SMYD3: variants seen among roughly 807,000 people sequenced by gnomAD.
The protein encoded by SMYD3 is histone-lysine N-methyltransferase SMYD3.
SMYD3 carries 36 observed loss-of-function variants against 57.7 expected under a neutral mutation model. That is an observed-to-expected ratio of 0.62 (90% confidence interval 0.48 to 0.82). SMYD3 has a LOEUF of 0.82. Ranked by LOEUF, SMYD3 falls within the 40% of genes least tolerant of loss-of-function variation. The pLI is 0.00. For synonymous variants in SMYD3, 211 were observed against 195.0 expected (o/e 1.08, Z -0.68); for missense variants, 515 against 538.8 (o/e 0.96, Z 0.44).
At chr1:245,921,547 G>GTACATATATA (rs1491323831) in intron 7 of SMYD3, among the ~76,000 whole-genome samples, 4 of 35,088 alleles carry the variant, frequency 1.1e-4, no homozygotes, top group African/African-American at 2.6e-4. Context: ...AAAAAATGTG[G>GTACATATATA]TGTATATATA....
intron 1 of SMYD3, among the ~76,000 whole-genome samples, chr1:246,479,065 G>A (rs2068068391): frequency 6.6e-6 from 1 of 150,906 alleles, no homozygotes. Flanking sequence ...ATGCACACCT[G>A]TCCTCTGTCC....
intron 5 of SMYD3, among the ~76,000 whole-genome samples, chr1:245,986,948 T>C (rs1469680613): frequency 1.3e-5 from 2 of 152,242 alleles, no homozygotes; most frequent in African/African-American, 2.4e-5. Flanking sequence ...TTGCATTTTA[T>C]GTAAATGTCA....
intron 5 of SMYD3, among the ~76,000 whole-genome samples, chr1:246,280,384 G>T (rs887012717): frequency 4.6e-5 from 7 of 152,166 alleles, no homozygotes; most frequent in African/African-American, 1.7e-4. Flanking sequence ...AATCGGTTTG[G>T]CTGAAAGTCC....
chr1:246,378,912 T>C (rs1014824604), intron 1 of SMYD3, among the ~76,000 whole-genome samples: 25 of 137,734 alleles, frequency 1.8e-4, no homozygotes, highest in African/African-American at 6.7e-4. Flanking sequence ...TATAGCTCAT[T>C]TATAACAATC....
At chr1:246,145,426 T>C (rs924297582) in intron 5 of SMYD3, among the ~76,000 whole-genome samples, 1 of 152,244 alleles carries the variant, frequency 6.6e-6, no homozygotes. Context: ...TAGATAATTT[T>C]GTGCAAGTGC....
chr1:246,335,615 T>A, intron 2 of SMYD3, 141 bp from the exon 3 acceptor site: 1 of 667,444 alleles, frequency 1.5e-6, no homozygotes, highest in Admixed American at 2.9e-5. Context: ...AGCAATATTC[T>A]AAATCTGAAA....
rs59746333 is a variant in SMYD3 at position 245,921,572 on chromosome 1, C to CAT, written c.703-5933_703-5932insAT. Among the ~76,000 whole-genome samples, 16 of 139,992 alleles carry CAT rather than the reference C, an allele frequency of 1.1e-4. No individual in the cohort carries two copies. The East Asian group carries it at 1.3e-3, about 11-fold the overall frequency. The allele number at this position is 139,992 out of a possible 152,430, so 91.8% of individuals were successfully genotyped here. ...GTGTATATATATATATATATATATA[C>CAT]ACATACCATGGAATAGTATGCAGCC... On this transcript the variant is annotated intron_variant, in intron 7 of 11. Coordinates refer to ENST00000490107, the MANE Select transcript of SMYD3 (RefSeq NM_001167740.2).
intron 5 of SMYD3, among the ~76,000 whole-genome samples, chr1:246,273,134 T>C (rs1325385712): frequency 8.0e-6 from 1 of 125,066 alleles, no homozygotes; most frequent in Non-Finnish European, 1.6e-5. Flanking sequence ...GTCCCTGTTT[T>C]CTTTTTTTTT....
chr1:245,829,539 G>A (rs1194227633), intron 10 of SMYD3, among the ~76,000 whole-genome samples: 1 of 152,146 alleles, frequency 6.6e-6, no homozygotes, highest in Non-Finnish European at 1.5e-5. Context: ...TATATTACTG[G>A]TGGGAATGTA....
At chr1:246,396,154 C>G (rs1359223195) in intron 1 of SMYD3, among the ~76,000 whole-genome samples, 1 of 152,160 alleles carries the variant, frequency 6.6e-6, no homozygotes, top group Non-Finnish European at 1.5e-5. Flanking sequence ...TAGAAAAATA[C>G]TATTTACTTT....
At chr1:246,160,490 G>A (rs551543727) in intron 5 of SMYD3, among the ~76,000 whole-genome samples, 3 of 152,140 alleles carry the variant, frequency 2.0e-5, no homozygotes, top group South Asian at 2.1e-4. Flanking sequence ...CCAGTTCCTC[G>A]GTGCTGAAAC....
At chr1:246,411,526 A>G (rs1203711190) in intron 1 of SMYD3, among the ~76,000 whole-genome samples, 2 of 152,190 alleles carry the variant, frequency 1.3e-5, no homozygotes, top group Non-Finnish European at 2.9e-5. Context: ...ACACGCACAC[A>G]TATGTTTATT....
intron 5 of SMYD3, among the ~76,000 whole-genome samples, chr1:246,232,713 CT>C (rs750240907): frequency 0.023 from 3,044 of 130,434 alleles, 333 homozygotes; most frequent in East Asian, 0.17. Flanking sequence ...AGAAGCACTC[CT>C]TCAATTCACA....
chr1:245,874,856 C>T (rs2052404626), intron 8 of SMYD3, among the ~76,000 whole-genome samples: 1 of 152,218 alleles, frequency 6.6e-6, no homozygotes, highest in Non-Finnish European at 1.5e-5. Flanking sequence ...TGGGTCACCC[C>T]AGAGGGCAGT....
Position 246,125,812 on chromosome 1 carries a change from C to G in SMYD3, c.532-195875G>C, listed in dbSNP as rs377104901. ...TATGGCTATGAACCTTAGATAACGA[C>G]AGAGAGGAAAACAGCCAATCAAGCA... On this transcript the variant is annotated intron_variant, in intron 5 of 11. Coordinates refer to ENST00000490107, the MANE Select transcript of SMYD3 (RefSeq NM_001167740.2). Among the ~76,000 whole-genome samples, 30 of 152,056 alleles carry G rather than the reference C, an allele frequency of 2.0e-4. No individual in the cohort carries two copies. The South Asian group carries it at 3.5e-3, about 18-fold the overall frequency.
At position 246,139,901 on chromosome 1, in the gene SMYD3, G is replaced by A. The variant is rs547149390; in HGVS notation, c.531+187300C>T. Reference sequence around the variant, plus strand: ...GTCCGCACAAAGATATGAATCACCTGTGTTTCACTCTACAATGACACAGCT... The same window carrying A: ...GTCCGCACAAAGATATGAATCACCTATGTTTCACTCTACAATGACACAGCT... On this transcript the variant is annotated intron_variant, in intron 5 of 11. Transcript: ENST00000490107. Among the ~76,000 whole-genome samples, 10 of 152,282 alleles carry A rather than the reference G, an allele frequency of 6.6e-5. No homozygotes were observed. In the South Asian group the frequency reaches 2.1e-3, roughly 32 times the overall value.
chr1:245,810,344 G>C (rs904887202), intron 10 of SMYD3, among the ~76,000 whole-genome samples: 6 of 152,152 alleles, frequency 3.9e-5, no homozygotes, highest in Non-Finnish European at 2.9e-5. Flanking sequence ...TCCCTCCCCT[G>C]GGGATGACCC....
intron 5 of SMYD3, among the ~76,000 whole-genome samples, chr1:246,073,491 C>T (rs947156355): frequency 5.3e-5 from 8 of 152,028 alleles, no homozygotes; most frequent in East Asian, 1.9e-4. Context: ...CCAAGGCGGG[C>T]AGATCGCTTG....
At chr1:245,757,426 T>C (rs2045657122) in intron 11 of SMYD3, among the ~76,000 whole-genome samples, 1 of 152,154 alleles carries the variant, frequency 6.6e-6, no homozygotes, top group Admixed American at 6.5e-5. Flanking sequence ...TGTTTAATTT[T>C]GGTGAAGTCC....
Sources: gnomAD v4.1 joint callset for allele counts (sites outside exome capture counted in the v4.1 genomes callset) on GRCh38, gnomAD v4.1.1 for gene constraint, MANE v1.5 for transcripts, NCBI Gene and HGNC (gene_info 2026-07-23, HGNC 2026-07-21) for gene names.